The following MCPH1 variants were observed in gnomAD, a reference collection of about 807,000 sequenced individuals.
The protein encoded by MCPH1 is microcephalin 1.
In MCPH1, 104 loss-of-function variants were observed where a neutral mutation model predicts 84.5. The ratio of observed to expected loss-of-function variants is 1.23; its 90% CI spans 1.05 to 1.45. MCPH1 has a LOEUF of 1.45. Ranked by LOEUF, MCPH1 falls within the 40% of genes most tolerant of loss-of-function variation. MCPH1 has a pLI of 0.00. For synonymous variants in MCPH1, 514 were observed against 366.8 expected, an observed-to-expected ratio of 1.40 and a Z score of -4.58; for missense variants, 1,498 against 1,005.7, an observed-to-expected ratio of 1.49 and a Z score of -6.62.
intron 9 of MCPH1, among the ~76,000 whole-genome samples, chr8:6,470,008 C>A (rs1243693689): frequency 6.6e-6 from 1 of 152,060 alleles, no homozygotes; most frequent in East Asian, 1.9e-4. Flanking sequence ...GTGTGCTTTT[C>A]CTGTTAAGGA....
intron 12 of MCPH1, among the ~76,000 whole-genome samples, chr8:6,510,362 G>T (rs1194607039): frequency 6.6e-6 from 1 of 152,158 alleles, no homozygotes; most frequent in Non-Finnish European, 1.5e-5. Flanking sequence ...TGCAATGGTG[G>T]CAGGAGAAGT....
intron 12 of MCPH1, among the ~76,000 whole-genome samples, chr8:6,584,196 C>T (rs922088308): frequency 1.3e-5 from 2 of 152,102 alleles, no homozygotes; most frequent in Non-Finnish European, 2.9e-5. Context: ...AATCAATACA[C>T]ACTTTAAAAA....
chr8:6,601,731 A>G lies in MCPH1; in HGVS notation c.2215-19723A>G, dbSNP rs796536391. 9.0e-3 allele frequency among the ~76,000 whole-genome samples: 1,037 copies of G among 114,866 alleles called. 6 individuals are homozygous for G. The highest frequency in any genetic ancestry group is 0.037 in the African/African-American group (964 of 26,174). 75.4% of individuals were successfully genotyped at this position (114,866 alleles called of 152,430 possible). ...ACACACCACACACACACACCCAATC[A>G]CATACCACATATACCCACACCACAC... On this transcript the variant is annotated intron_variant, in intron 12 of 13. Coordinates refer to ENST00000344683, the MANE Select transcript of MCPH1 (RefSeq NM_024596.5).
At chr8:6,516,059 G>T (rs1041981987) in intron 12 of MCPH1, among the ~76,000 whole-genome samples, 38 of 152,294 alleles carry the variant, frequency 2.5e-4, no homozygotes, top group Middle Eastern at 6.8e-3. Flanking sequence ...CTCCAGGAAG[G>T]TCACCCAGCT....
intron 3 of MCPH1, among the ~76,000 whole-genome samples, chr8:6,415,351 G>A (rs1338960898): frequency 6.7e-6 from 1 of 149,370 alleles, no homozygotes. Context: ...GCAGTAGCTG[G>A]ATCTTGGGTC....
At chr8:6,514,237 TG>T (rs1346805474) in intron 12 of MCPH1, among the ~76,000 whole-genome samples, 26 of 152,214 alleles carry the variant, frequency 1.7e-4, no homozygotes. Context: ...TTGCCCAGGC[TG>T]GAGTGCAGTG....
rs116167188 is a variant in MCPH1, at chr8:6,442,238, A to T, written c.670+82A>T. ...TTCTGATTTAGAATTTCATGTAGCA[A>T]CTTCTGATGAGTAAAATAATTAGTT... On this transcript the variant is annotated intron_variant, in intron 7 of 13. Coordinates refer to ENST00000344683, the MANE Select transcript of MCPH1 (RefSeq NM_024596.5). 4.5e-4 allele frequency: 372 copies of T among 824,126 alleles called. 1 individual carries two copies. The African/African-American group carries it at 5.6e-3, about 12-fold the overall frequency. The allele number at this position is 824,126 out of a possible 1,614,324, so 51.1% of individuals were successfully genotyped here. A position where few individuals can be genotyped will look rare whatever the true frequency, so the allele number is the denominator to read the frequency against.
intron 9 of MCPH1, among the ~76,000 whole-genome samples, chr8:6,468,276 G>C (rs1445050657): frequency 6.6e-6 from 1 of 152,096 alleles, no homozygotes; most frequent in African/African-American, 2.4e-5. Context: ...TTGGGGAAGG[G>C]GGATGCTTGG....
intron 9 of MCPH1, among the ~76,000 whole-genome samples, chr8:6,469,300 T>G (rs1807408701): frequency 6.6e-6 from 1 of 152,222 alleles, no homozygotes. Flanking sequence ...TATTTAATGC[T>G]ATAGCTTATT....
Position 6,431,026 on chromosome 8 carries a change from G to T in MCPH1, c.234-473G>T, listed in dbSNP as rs117127982. ...ATGCGGAGCATTGGTTGCACACCTG[G>T]GCCTTGGGGCTGATGGTGGTGTCTG... On this transcript the variant is annotated intron_variant, in intron 3 of 13. Coordinates refer to ENST00000344683, the MANE Select transcript of MCPH1 (RefSeq NM_024596.5). Among the ~76,000 whole-genome samples the T allele has an allele frequency of 1.8e-4, 28 of 152,284 alleles. No homozygotes were observed. The East Asian group carries it at 5.4e-3, about 29-fold the overall frequency.
chr8:6,423,942 T>A (rs1266622379), intron 3 of MCPH1, among the ~76,000 whole-genome samples: 1 of 152,248 alleles, frequency 6.6e-6, no homozygotes, highest in Non-Finnish European at 1.5e-5. Context: ...TTGAATTTTC[T>A]TCAGCAGAGC....
chr8:6,625,099 C>T (rs1831928575), intron 13 of MCPH1: 3 of 777,120 alleles, frequency 3.9e-6, no homozygotes, highest in South Asian at 5.8e-5. Context: ...GGTCTCAAAC[C>T]CCCAACCTCA....
At chr8:6,574,296 C>T (rs1229622836) in intron 12 of MCPH1, among the ~76,000 whole-genome samples, 3 of 152,148 alleles carry the variant, frequency 2.0e-5, no homozygotes, top group African/African-American at 7.2e-5. Context: ...CTTCCCTGTC[C>T]CATCCTAGCT....
At position 6,621,090 on chromosome 8, in the gene MCPH1, C is replaced by T. The variant is rs2936532; in HGVS notation, c.2215-364C>T. On this transcript the variant is annotated intron_variant, in intron 12 of 13. Coordinates refer to ENST00000344683, the MANE Select transcript of MCPH1 (RefSeq NM_024596.5). ...CATTTGCAGTGCATTAGAATCTTGC[C>T]GTCACTTGCACACGTCACCAAGTTA... 515 of 345,030 alleles carry T rather than the reference C, an allele frequency of 1.5e-3. 4 individuals are homozygous for T. The highest frequency in any genetic ancestry group is 8.8e-3 in the African/African-American group (416 of 47,030). 21.4% of individuals were successfully genotyped at this position (345,030 alleles called of 1,614,324 possible).
intron 12 of MCPH1, chr8:6,501,553 C>CTTTTTTTTTTTTTTTTTTTTTT (rs761570329): frequency 7.8e-6 from 1 of 128,050 alleles, no homozygotes; most frequent in Non-Finnish European, 1.7e-5. Flanking sequence ...TCTTTTCTTT[C>CTTTTTTTTTTTTTTTTTTTTTT]TTTTTTTTTT....
At chr8:6,480,921 G>T in intron 11 of MCPH1, 45 bp downstream of exon 11, 1 of 1,604,640 alleles carries the variant, frequency 6.2e-7, no homozygotes, top group East Asian at 2.2e-5. Context: ...AAGGCATTTT[G>T]ATAGAGTGGG....
Position 6,643,257 on chromosome 8 carries a change from T to C in MCPH1, c.*208T>C. On this transcript the variant is annotated 3_prime_UTR_variant, in exon 14 of 14. Transcript: ENST00000344683. ...GTTTCAGAGACGCTTCGGGCCTTTT[T>C]ATTTTTATTTTATTTTTTATTTTTT... The C allele has an allele frequency of 1.7e-6, 1 of 598,012 alleles. No homozygotes were observed. The highest frequency in any genetic ancestry group is 4.4e-4 in the Middle Eastern group (1 of 2,264). 37.0% of individuals were successfully genotyped at this position (598,012 alleles called of 1,614,324 possible). A position where few individuals can be genotyped will look rare whatever the true frequency, so the allele number is the denominator to read the frequency against.
chr8:6,459,881 GA>G (rs1486704042), intron 9 of MCPH1, among the ~76,000 whole-genome samples: 1 of 152,226 alleles, frequency 6.6e-6, no homozygotes, highest in Non-Finnish European at 1.5e-5. Context: ...AGAAAGGTGG[GA>G]AGGCCTGGAG....
chr8:6,554,912 G>A (rs549098843), intron 12 of MCPH1, among the ~76,000 whole-genome samples: 1 of 152,234 alleles, frequency 6.6e-6, no homozygotes, highest in East Asian at 1.9e-4. Flanking sequence ...GTGCAAGGAA[G>A]GATTAGGACA....
Sources: allele counts gnomAD v4.1 joint callset (sites outside exome capture counted in the v4.1 genomes callset), GRCh38; gene constraint gnomAD v4.1.1; transcripts MANE v1.5; gene names NCBI Gene and HGNC (gene_info 2026-07-23, HGNC 2026-07-21).